Variants in CLCA4 observed in about 807,000 individuals in gnomAD.
The protein encoded by CLCA4 is chloride channel accessory 4.
Under a neutral mutation model 78.9 loss-of-function variants are expected in CLCA4, and 69 were observed. The ratio of observed to expected loss-of-function variants is 0.87; its 90% CI spans 0.72 to 1.07. The LOEUF (loss-of-function observed/expected upper bound fraction) is 1.07, where lower values mean the gene tolerates loss of function less well. CLCA4 is among the 50% of genes least tolerant of loss of function. The pLI is 0.00. For synonymous variants in CLCA4, 362 were observed against 375.8 expected (o/e 0.96, Z 0.42); for missense variants, 1,133 against 1,095.8 (o/e 1.03, Z -0.48).
At chr1:86,565,220 C>T (rs781192602) in intron 4 of CLCA4, 54 bp from the exon 5 acceptor site, 158 of 1,269,912 alleles carry the variant, frequency 1.2e-4, no homozygotes, top group Non-Finnish European at 1.7e-4. Context: ...CTTAAGATTT[C>T]TGTAAGTGCT....
At position 86,579,480 on chromosome 1, in the gene CLCA4, C is replaced by T; in HGVS notation, c.2249C>T (p.Pro750Leu). Residue 750 changes from proline to leucine, a missense_variant, in exon 13 of 14, where the codon CCT becomes CTT. Transcript: ENST00000370563. ...VVSQVPSLPLPDQYPPSQITD... is the reference protein window; with the variant it reads ...VVSQVPSLPLLDQYPPSQITD... ...TCACAAGTCCCAAGCCTTCCCTTGC[C>T]TGACCAATACCCACCAAGTCAAATC... 6.2e-7 allele frequency: 1 copy of T among 1,613,268 alleles called. No individual in the cohort carries two copies. Among genetic ancestry groups the T allele is most frequent in the Non-Finnish European group, 8.5e-7 (1 of 1,179,498 alleles).
intron 5 of CLCA4, 111 bp downstream of exon 5, chr1:86,565,562 T>A: frequency 3.5e-6 from 3 of 852,440 alleles, no homozygotes; most frequent in Non-Finnish European, 5.4e-6. Context: ...TATAGAGTTC[T>A]TTGAACACTG....
intron 1 of CLCA4, among the ~76,000 whole-genome samples, chr1:86,550,223 A>G (rs1649614406): frequency 6.6e-6 from 1 of 152,222 alleles, no homozygotes; most frequent in Non-Finnish European, 1.5e-5. Flanking sequence ...GTTACATCAC[A>G]AAGATATTTG....
intron 4 of CLCA4, among the ~76,000 whole-genome samples, chr1:86,564,352 G>A (rs1650110754): frequency 2.0e-5 from 3 of 152,108 alleles, no homozygotes; most frequent in Admixed American, 2.0e-4. Context: ...ACACTAATGT[G>A]AGAACTGAAA....
In CLCA4 at chr1:86,571,249, T is replaced by A. The variant is rs1650342645; in HGVS notation, c.1355T>A (p.Ile452Lys). The A allele has an allele frequency of 6.2e-7, 1 of 1,610,892 alleles. No homozygotes were observed. The highest frequency in any genetic ancestry group is 1.7e-5 in the Admixed American group (1 of 59,758). ...GAAGCAGTAATAGAGATGAGCAAGA[T>A]AACAGGTAAAACACGATCCATTTAT... ...ADEAVIEMSK[I>K]TGGSHFYVSD... is the part of the protein sequence containing the mutation. The change falls in exon 8 of 14, where the codon ATA (isoleucine) becomes AAA (lysine). Residue 452 changes from isoleucine to lysine, a missense_variant. Physicochemically the swap from Ile to Lys is moderately radical, Grantham distance 102. Transcript: ENST00000370563.
intron 9 of CLCA4, 122 bp from the exon 10 acceptor site, chr1:86,574,418 A>T: frequency 1.5e-6 from 1 of 686,778 alleles, no homozygotes; most frequent in Non-Finnish European, 2.5e-6. Context: ...CAGAGAGATC[A>T]CAAGTCTAAG....
At chr1:86,566,156 A>G in intron 6 of CLCA4, 136 bp downstream of exon 6, 1 of 583,776 alleles carries the variant, frequency 1.7e-6, no homozygotes, top group Admixed American at 3.8e-5. Flanking sequence ...TCATGACTTC[A>G]AGATACTGCA....
At chr1:86,549,776 G>A (rs1442023905) in intron 1 of CLCA4, among the ~76,000 whole-genome samples, 1 of 152,126 alleles carries the variant, frequency 6.6e-6, no homozygotes, top group Non-Finnish European at 1.5e-5. Context: ...GAGAAAATTT[G>A]GCATTTGGAA....
chr1:86,575,971 A>C (rs1348292347), intron 11 of CLCA4, among the ~76,000 whole-genome samples: 1 of 151,988 alleles, frequency 6.6e-6, no homozygotes, highest in Non-Finnish European at 1.5e-5. Context: ...ACACACTTGT[A>C]ATCCCAGCCA....
chr1:86,572,767 G>GA (rs751515043), intron 9 of CLCA4, 47 bp downstream of exon 9: 3 of 1,098,282 alleles, frequency 2.7e-6, no homozygotes, highest in African/African-American at 3.1e-5. Context: ...TTTGCCACAA[G>GA]AAAAAACCAT....
Position 86,580,047 on chromosome 1 carries a change from A to G in CLCA4, c.2462A>G (p.Asn821Ser). Reference sequence around the variant, plus strand: ...ACTGATCTGTCACCAAAGGAGGCCAACTCCAAGGAAAGCTTTGCATTTAAA... The same window carrying G: ...ACTGATCTGTCACCAAAGGAGGCCAGCTCCAAGGAAAGCTTTGCATTTAAA... ...NTTDLSPKEANSKESFAFKPE... is the reference protein window; with the variant it reads ...NTTDLSPKEASSKESFAFKPE... The change falls in exon 14 of 14, where the codon AAC (asparagine) becomes AGC (serine). Residue 821 changes from asparagine (N) to serine (S), a missense_variant. Coordinates refer to ENST00000370563, the MANE Select transcript of CLCA4 (RefSeq NM_012128.4). 1.2e-6 allele frequency: 2 copies of G among 1,612,952 alleles called. No individual in the cohort carries two copies. Among genetic ancestry groups the G allele is most frequent in the South Asian group, 1.1e-5 (1 of 91,044 alleles).
chr1:86,580,084 C>A lies in CLCA4; in HGVS notation c.2499C>A (p.Ile833=). Residue 833 remains isoleucine (I), a synonymous_variant, in exon 14 of 14, where the codon ATC becomes ATA. Transcript: ENST00000370563. ...KESFAFKPEN[I]SEENATHIFI... ...GCTTTGCATTTAAACCAGAAAATAT[C>A]TCAGAAGAAAATGCAACCCACATAT... The A allele has an allele frequency of 6.2e-7, 1 of 1,612,994 alleles. No homozygotes were observed. Among genetic ancestry groups the A allele is most frequent in the Non-Finnish European group, 8.5e-7 (1 of 1,179,436 alleles).
intron 10 of CLCA4, among the ~76,000 whole-genome samples, chr1:86,575,004 C>T (rs1001357985): frequency 2.0e-5 from 3 of 151,980 alleles, no homozygotes; most frequent in Non-Finnish European, 2.9e-5. Context: ...TAGGAAGAGT[C>T]TATGCAAATT....
At chr1:86,556,601 G>T (rs1230969448) in intron 1 of CLCA4, among the ~76,000 whole-genome samples, 3 of 152,090 alleles carry the variant, frequency 2.0e-5, no homozygotes, top group Non-Finnish European at 4.4e-5. Flanking sequence ...ATTTTGTTGA[G>T]AATTTTTGCA....
chr1:86,555,571 A>T (rs1336628879), intron 1 of CLCA4, among the ~76,000 whole-genome samples: 1 of 152,154 alleles, frequency 6.6e-6, no homozygotes, highest in African/African-American at 2.4e-5. Flanking sequence ...CTGTTTTTAT[A>T]CCAGTACCAT....
Position 86,579,992 on chromosome 1 carries a change from A to G in CLCA4, c.2407A>G (p.Ser803Gly), listed in dbSNP as rs556257929. 36 of 1,605,190 alleles carry G rather than the reference A, an allele frequency of 2.2e-5. No individual in the cohort carries two copies. The East Asian group carries it at 7.6e-4, about 34-fold the overall frequency. Reference sequence around the variant, plus strand: ...TGCAAGTATTCTTGATCTAAGAGACAGTTTTGATGATGCTCTTCAAGTAAA... The same window carrying G: ...TGCAAGTATTCTTGATCTAAGAGACGGTTTTGATGATGCTCTTCAAGTAAA... ...ISASILDLRD[S>G]FDDALQVNTT... Residue 803 changes from serine (S) to glycine (G), a missense_variant, in exon 14 of 14, where the codon AGT becomes GGT. Physicochemically the swap from Ser to Gly is moderately conservative, Grantham distance 56. Coordinates refer to ENST00000370563, the MANE Select transcript of CLCA4 (RefSeq NM_012128.4).
chr1:86,577,138 C>T (rs1190067344), intron 11 of CLCA4, among the ~76,000 whole-genome samples: 2 of 152,048 alleles, frequency 1.3e-5, no homozygotes, highest in Middle Eastern at 3.4e-3. Context: ...CTCTTTTTTC[C>T]CTTTCTGCAA....
In CLCA4 at chr1:86,580,363, A is replaced by C. The variant is rs201040584; in HGVS notation, c.*18A>C. The C allele has an allele frequency of 2.3e-4, 350 of 1,540,472 alleles. 2 individuals are homozygous for C. The Middle Eastern group carries it at 6.8e-3, about 30-fold the overall frequency. ...CCATTTGAACCTTAACGAAGAAAAA[A>C]ATCTTCAAGTAGACCTAGAAGAGAG... On this transcript the variant is annotated 3_prime_UTR_variant, in exon 14 of 14. Coordinates refer to ENST00000370563, the MANE Select transcript of CLCA4 (RefSeq NM_012128.4).
chr1:86,548,023 A>G (rs1247021012), intron 1 of CLCA4, among the ~76,000 whole-genome samples: 1 of 152,168 alleles, frequency 6.6e-6, no homozygotes, highest in African/African-American at 2.4e-5. Flanking sequence ...AAGAACCTCC[A>G]TACTGTTTTC....
Sources: gnomAD v4.1 joint callset for allele counts (sites outside exome capture counted in the v4.1 genomes callset) on GRCh38, gnomAD v4.1.1 for gene constraint, MANE v1.5 for transcripts, NCBI Gene and HGNC (gene_info 2026-07-23, HGNC 2026-07-21) for gene names.